The following ADAMTS13 variants were observed in gnomAD, a reference collection of about 807,000 sequenced individuals.
The protein encoded by ADAMTS13 is A disintegrin and metalloproteinase with thrombospondin motifs 13.
ADAMTS13 carries 110 observed loss-of-function variants against 155.1 expected under a neutral mutation model. That is an observed-to-expected ratio of 0.71 (90% CI 0.61 to 0.83). The LOEUF is 0.83. Ranked by LOEUF, ADAMTS13 falls within the 40% of genes least tolerant of loss-of-function variation. ADAMTS13 has a pLI of 0.00. For synonymous variants in ADAMTS13, 758 were observed against 756.4 expected (o/e 1.00, Z -0.03); for missense variants, 1,707 against 1,891.7 (o/e 0.90, Z 1.81).
rs782645434 is a variant in ADAMTS13, at chr9:133,436,870, C to T, written c.1350C>T (p.Cys450=). ...AGCTGGAGTTCATGTCGCAACAGTGCGCCAGGACCGACGGCCAGCCGCTGC... is the reference window on the plus strand; with the variant it reads ...AGCTGGAGTTCATGTCGCAACAGTGTGCCAGGACCGACGGCCAGCCGCTGC... ...KTQLEFMSQQ[C]ARTDGQPLRS... Residue 450 remains cysteine (C), a synonymous_variant, in exon 12 of 29, where the codon TGC becomes TGT. Coordinates refer to ENST00000355699, the MANE Select transcript of ADAMTS13 (RefSeq NM_139027.6). 1.5e-5 allele frequency: 23 copies of T among 1,580,408 alleles called. No individual in the cohort carries two copies. In the Admixed American group the frequency reaches 1.8e-4, roughly 12 times the overall value.
chr9:133,438,185 CAG>C, intron 13 of ADAMTS13, 59 bp from the exon 14 acceptor site: 3 of 1,613,456 alleles, frequency 1.9e-6, no homozygotes, highest in Non-Finnish European at 2.5e-6. Context: ...GGCAGGGCTG[CAG>C]AGTCATTGAG....
chr9:133,459,279 A>AT lies in ADAMTS13; in HGVS notation c.*99_*100insT, dbSNP rs1564449571. 1 of 1,222,090 alleles carries AT rather than the reference A, an allele frequency of 8.2e-7. No individual in the cohort carries two copies. The highest frequency in any genetic ancestry group is 1.2e-6 in the Non-Finnish European group (1 of 852,522). The allele number at this position is 1,222,090 out of a possible 1,614,324, so 75.7% of individuals were successfully genotyped here. On this transcript the variant is annotated 3_prime_UTR_variant, in exon 29 of 29. Coordinates refer to ENST00000355699, the MANE Select transcript of ADAMTS13 (RefSeq NM_139027.6). ...GAACTTTTTCCAATCTTAGGTATCT[A>AT]CTTTAGAGTCTTCTCCAATGTCCAA...
chr9:133,449,787 C>T lies in ADAMTS13; in HGVS notation c.2866C>T (p.Gln956Ter). ...CQAVPCPARWQYKLAACSVSC... is the reference protein window; with the variant it reads ...CQAVPCPARW ...CCTGACTCCAGTTTGCTCCAGGTGG[C>T]AGTACAAGCTGGCGGCCTGCAGCGT... is the stretch of plus-strand genomic sequence containing the variant. Residue 956 changes from glutamine to a stop codon, truncating the protein, a stop_gained, in exon 23 of 29, where the codon CAG (glutamine) becomes TAG (stop). Coordinates refer to ENST00000355699, the MANE Select transcript of ADAMTS13 (RefSeq NM_139027.6). LOFTEE classifies it high-confidence loss of function. 6.2e-7 allele frequency: 1 copy of T among 1,613,828 alleles called. No individual in the cohort carries two copies. Among genetic ancestry groups the T allele is most frequent in the Non-Finnish European group, 8.5e-7 (1 of 1,180,028 alleles).
At chr9:133,427,373 C>G (rs1840355311) in intron 6 of ADAMTS13, among the ~76,000 whole-genome samples, 1 of 152,088 alleles carries the variant, frequency 6.6e-6, no homozygotes, top group Non-Finnish European at 1.5e-5. Flanking sequence ...AAATAATACC[C>G]AATTGTTGTA....
At chr9:133,428,934 C>T (rs1364608954) in intron 7 of ADAMTS13, among the ~76,000 whole-genome samples, 163 bp downstream of exon 7, 10 of 123,154 alleles carry the variant, frequency 8.1e-5, no homozygotes, top group Non-Finnish European at 1.4e-4. Context: ...CCCACCGCTC[C>T]GTCCGTGGAG....
chr9:133,457,048 G>C (rs2130952446), intron 27 of ADAMTS13: 1 of 430,156 alleles, frequency 2.3e-6, no homozygotes, highest in South Asian at 2.0e-5. Context: ...AGGGCTTTTA[G>C]GGTTTTGTGG....
chr9:133,425,524 C>G lies in ADAMTS13; in HGVS notation c.331-5C>G. On this transcript the variant is annotated splice_region_variant and splice_polypyrimidine_tract_variant and intron_variant, in intron 3 of 28. Coordinates refer to ENST00000355699, the MANE Select transcript of ADAMTS13 (RefSeq NM_139027.6). The surrounding 1 kb of genome is among the most constrained non-coding windows in gnomAD (Gnocchi z 4.6). ...GGGTTACCTCTCTCATCTGCCCTTGCACAGGGGGCAGAACTGCTTCGGGAC... is the reference window on the plus strand; with the variant it reads ...GGGTTACCTCTCTCATCTGCCCTTGGACAGGGGGCAGAACTGCTTCGGGAC... 6.2e-7 allele frequency: 1 copy of G among 1,612,502 alleles called. No individual in the cohort carries two copies. Among genetic ancestry groups the G allele is most frequent in the Non-Finnish European group, 8.5e-7 (1 of 1,179,568 alleles).
At chr9:133,435,616 G>A (rs192135528) in intron 11 of ADAMTS13, among the ~76,000 whole-genome samples, 1 of 149,624 alleles carries the variant, frequency 6.7e-6, no homozygotes, top group Middle Eastern at 3.4e-3. Flanking sequence ...TCTAAGCTCC[G>A]CCTCCCAGGT....
chr9:133,442,608 T>G lies in ADAMTS13; in HGVS notation c.2105-6T>G, dbSNP rs782425057. 3.7e-6 allele frequency: 6 copies of G among 1,613,184 alleles called. No homozygotes were observed. The highest frequency in any genetic ancestry group is 1.7e-5 in the Admixed American group (1 of 60,012). ...AGGCGGCCTAGCCCTCCCTCTTCCC[T>G]CCCAGGGCTGCGCTGGGTAAACTAC... On this transcript the variant is annotated splice_polypyrimidine_tract_variant and splice_region_variant and intron_variant, in intron 17 of 28. Transcript: ENST00000355699.
chr9:133,421,112 A>G (rs1554783034), upstream of ADAMTS13, among the ~76,000 whole-genome samples: 2 of 152,142 alleles, frequency 1.3e-5, no homozygotes, highest in African/African-American at 4.8e-5. Flanking sequence ...CTAAAAATAC[A>G]AAAACTAGCC....
At chr9:133,421,463 G>A (rs1839952605), upstream of ADAMTS13, among the ~76,000 whole-genome samples, 1 of 152,046 alleles carries the variant, frequency 6.6e-6, no homozygotes, top group Non-Finnish European at 1.5e-5. Context: ...TACCACCTTT[G>A]AACATACTAC....
chr9:133,446,038 C>T (rs34063534), intron 21 of ADAMTS13, among the ~76,000 whole-genome samples: 5,250 of 152,236 alleles, frequency 0.034, 100 homozygotes, highest in Middle Eastern at 0.065. Context: ...CAATAACGCC[C>T]GGCAGTGTGG....
At chr9:133,444,820 G>A (rs1841942917) in intron 19 of ADAMTS13, 43 bp from the exon 20 acceptor site, 1 of 1,603,570 alleles carries the variant, frequency 6.2e-7, no homozygotes, top group Admixed American at 1.7e-5. Context: ...CTTCCCCTGG[G>A]TGGCAGAGGC....
Position 133,456,138 on chromosome 9 carries a change from G to C in ADAMTS13, c.3470G>C (p.Cys1157Ser). ...IDMRGPGQAD[C>S]AVAIGRPLGE... ...ATGCGAGGCCCAGGGCAGGCAGACTGTGCAGTGGCCATTGGGCGGCCCCTC... is the reference window on the plus strand; with the variant it reads ...ATGCGAGGCCCAGGGCAGGCAGACTCTGCAGTGGCCATTGGGCGGCCCCTC... The change falls in exon 26 of 29, where the codon TGT (cysteine) becomes TCT (serine). Residue 1157 changes from cysteine to serine, a missense_variant. Cys to Ser is a moderately radical substitution (Grantham distance 112). Transcript: ENST00000355699. The surrounding 1 kb of genome is among the most constrained non-coding windows in gnomAD (Gnocchi z 4.4). 2 of 1,613,476 alleles carry C rather than the reference G, an allele frequency of 1.2e-6. No individual in the cohort carries two copies.
chr9:133,454,627 C>T lies in ADAMTS13; in HGVS notation c.3249+8C>T, dbSNP rs782260394. 3.1e-6 allele frequency: 5 copies of T among 1,592,012 alleles called. No homozygotes were observed. In the East Asian group the frequency reaches 9.0e-5, roughly 29 times the overall value. On this transcript the variant is annotated splice_region_variant and intron_variant, in intron 24 of 28. Transcript: ENST00000355699. ...GTTGGCACCTGGATGGAGGTGAGCA[C>T]AGCGGGCACTCGGAATCCCTATGGG...
Position 133,428,623 on chromosome 9 carries a change from C to A in ADAMTS13, c.687-11C>A, listed in dbSNP as rs1208206419. On this transcript the variant is annotated splice_polypyrimidine_tract_variant and intron_variant, in intron 6 of 28. Coordinates refer to ENST00000355699, the MANE Select transcript of ADAMTS13 (RefSeq NM_139027.6). Reference sequence around the variant, plus strand: ...CGGCCGCCTTAGCGCAACTCCCCGCCCCCCGACCAGCTTCGGCCTGGAGCA... The same window carrying A: ...CGGCCGCCTTAGCGCAACTCCCCGCACCCCGACCAGCTTCGGCCTGGAGCA... 76 of 1,311,568 alleles carry A rather than the reference C, an allele frequency of 5.8e-5. No homozygotes were observed. The highest frequency in any genetic ancestry group is 5.9e-5 in the Non-Finnish European group (61 of 1,027,600). The allele number at this position is 1,311,568 out of a possible 1,614,324, so 81.2% of individuals were successfully genotyped here.
At chr9:133,436,793 C>CCCCCCCCA in intron 11 of ADAMTS13, 36 bp from the exon 12 acceptor site, 4 of 847,126 alleles carry the variant, frequency 4.7e-6, no homozygotes, top group South Asian at 1.4e-5. Flanking sequence ...CCCCCCGCCC[C>CCCCCCCCA]ACCGCCATCC....
At chr9:133,414,840 G>C in intron 1 of ADAMTS13, 1 of 1,614,194 alleles carries the variant, frequency 6.2e-7, no homozygotes, top group Non-Finnish European at 8.5e-7. Context: ...GAACCTGAAG[G>C]AACAGAGCCC....
In ADAMTS13 at chr9:133,440,416, T is replaced by A. The variant is rs1230775194; in HGVS notation, c.1859T>A (p.Leu620His). The A allele has an allele frequency of 9.3e-6, 15 of 1,613,632 alleles. No individual in the cohort carries two copies. The highest frequency in any genetic ancestry group is 3.3e-5 in the Admixed American group (2 of 59,994). Residue 620 changes from leucine to histidine, a missense_variant, in exon 16 of 29, where the codon CTC (leucine) becomes CAC (histidine). Around this residue, in one of 3 missense-constraint regions of ADAMTS13, gnomAD observed 961 missense variants for 1,107.9 expected, o/e 0.87. Transcript: ENST00000355699. This position sits in a 1 kb window ranked among gnomAD's most constrained non-coding sequence, Gnocchi z 4.3. ...TCCCCTAACACCACCTACCCCTCCC[T>A]CCTGGAGGATGGTCGTGTCGAGTAC... ...SISPNTTYPS[L>H]LEDGRVEYRV...
Sources: allele counts gnomAD v4.1 joint callset (sites outside exome capture counted in the v4.1 genomes callset), GRCh38; gene constraint gnomAD v4.1.1; regional missense constraint gnomAD v4.1.1; non-coding constraint Gnocchi (gnomAD v3.1); transcripts MANE v1.5; gene names NCBI Gene and HGNC (gene_info 2026-07-23, HGNC 2026-07-21).